Variants in BOP1 observed in about 807,000 individuals in gnomAD.
The protein encoded by BOP1 is BOP1 ribosomal biogenesis factor.
In BOP1, 54 loss-of-function variants were observed where a neutral mutation model predicts 82.9. The ratio of observed to expected loss-of-function variants is 0.65; its 90% CI spans 0.52 to 0.82. BOP1 has a LOEUF of 0.82. BOP1 is among the 40% of genes least tolerant of loss of function. BOP1 has a pLI of 0.00. For synonymous variants in BOP1, 566 were observed against 451.1 expected (o/e 1.25, Z -3.23); for missense variants, 1,170 against 1,072.0 (o/e 1.09, Z -1.28).
chr8:144,281,750 C>T (rs985922331), intron 2 of BOP1: 1 of 152,234 alleles, frequency 6.6e-6, no homozygotes, highest in African/African-American at 2.4e-5. Flanking sequence ...TAACTTCCGC[C>T]TCCCAGGCTC....
intron 3 of BOP1, among the ~76,000 whole-genome samples, chr8:144,267,592 T>C (rs1845406608): frequency 6.6e-6 from 1 of 152,260 alleles, no homozygotes; most frequent in South Asian, 2.1e-4. Flanking sequence ...TCTTAGCCCC[T>C]GCGGCCCAGC....
intron 3 of BOP1, chr8:144,266,847 C>T: frequency 7.3e-7 from 1 of 1,371,202 alleles, no homozygotes; most frequent in Non-Finnish European, 9.5e-7. Flanking sequence ...GGCAGCGGCA[C>T]ACGGCGAACG....
chr8:144,266,521 C>T (rs1176642795), intron 3 of BOP1: 1 of 989,876 alleles, frequency 1.0e-6, no homozygotes, highest in Non-Finnish European at 1.2e-6. Context: ...AGACCCCGCG[C>T]CTCGCCCCGG....
intron 3 of BOP1, chr8:144,267,158 G>A: frequency 6.5e-7 from 1 of 1,531,372 alleles, no homozygotes; most frequent in South Asian, 1.2e-5. Flanking sequence ...TGCACCTTCT[G>A]CCTCAGCAAC....
At chr8:144,265,352 C>A in intron 3 of BOP1, 1 of 561,836 alleles carries the variant, frequency 1.8e-6, no homozygotes, top group African/African-American at 1.9e-5. Context: ...TCACTGGATT[C>A]CTTGGCCAGG....
chr8:144,265,060 G>C lies in BOP1; in HGVS notation c.402C>G (p.Asn134Lys). The change falls in exon 4 of 16, where the codon AAC becomes AAG. Residue 134 changes from asparagine (N) to lysine (K), a missense_variant. Transcript: ENST00000569669. ...ACTCCAAGGGCACGTTGCCCACCGTGTTCCGGATGTCCTGCAGCCGGGGGC... is the reference window on the plus strand; with the variant it reads ...ACTCCAAGGGCACGTTGCCCACCGTCTTCCGGATGTCCTGCAGCCGGGGGC... ...EDSSDEEDIR[N>K]TVGNVPLEWY... 5.0e-6 allele frequency: 8 copies of C among 1,610,140 alleles called. No individual in the cohort carries two copies. The highest frequency in any genetic ancestry group is 6.8e-6 in the Non-Finnish European group (8 of 1,178,434).
Position 144,264,073 on chromosome 8 carries a change from G to A in BOP1, c.1048C>T (p.Leu350=). The change falls in exon 8 of 16, where the codon CTG becomes TTG. Residue 350 remains leucine (L), a synonymous_variant. Transcript: ENST00000569669. ...CGTCCGTAGGCAGGCACGGCCCGCA[G>A]GCTCGGGAACTTGCGTGGCAAAAAG... The part of the protein sequence containing the change: ...LSFLPRKFPS[L]RAVPAYGRFI... The A allele has an allele frequency of 1.2e-6, 2 of 1,610,122 alleles. No homozygotes were observed. The highest frequency in any genetic ancestry group is 1.1e-5 in the South Asian group (1 of 90,994).
At chr8:144,266,895 CT>C in intron 3 of BOP1, 1 of 1,525,010 alleles carries the variant, frequency 6.6e-7, no homozygotes. Context: ...TGAACACGGC[CT>C]TCACGGCGCT....
intron 2 of BOP1, among the ~76,000 whole-genome samples, chr8:144,284,578 G>A (rs1814814322): frequency 6.6e-6 from 1 of 152,190 alleles, no homozygotes; most frequent in Admixed American, 6.5e-5. Context: ...AACTCTGTGC[G>A]AGTTTGGATA....
Position 144,276,103 on chromosome 8 carries a change from G to T in BOP1, c.390+121C>A, listed in dbSNP as rs1403776288. 16 of 1,169,932 alleles carry T rather than the reference G, an allele frequency of 1.4e-5. No homozygotes were observed. In the South Asian group the frequency reaches 1.5e-4, roughly 11 times the overall value. The allele number at this position is 1,169,932 out of a possible 1,614,324, so 72.5% of individuals were successfully genotyped here. On this transcript the variant is annotated intron_variant, in intron 3 of 15. Transcript: ENST00000569669. The stretch of plus-strand genomic sequence containing the variant: ...CCACGTGGGCCTCGGCTCCAACAGT[G>T]CGGCCCACCTGCGGCAGGTCCCAGC...
At chr8:144,271,411 G>A (rs1051258618) in intron 3 of BOP1, among the ~76,000 whole-genome samples, 1 of 152,072 alleles carries the variant, frequency 6.6e-6, no homozygotes, top group Non-Finnish European at 1.5e-5. Context: ...TCCCCCGGGA[G>A]CGTGGGGTCA....
chr8:144,286,533 C>T (rs1434422621), intron 2 of BOP1, among the ~76,000 whole-genome samples: 8 of 130,440 alleles, frequency 6.1e-5, no homozygotes, highest in South Asian at 4.9e-4. Context: ...ATGGGCGCCA[C>T]GGCAGGGCAG....
intron 2 of BOP1, among the ~76,000 whole-genome samples, chr8:144,281,085 C>CTCACTTTCATACCAGGTCT (rs1845668564): frequency 6.6e-6 from 1 of 150,916 alleles, no homozygotes; most frequent in Non-Finnish European, 1.5e-5. Context: ...TCGGCCTTCT[C>CTCACTTTCATACCAGGTCT]TCACTTTAAT....
In BOP1 at chr8:144,264,216, C is replaced by T. The variant is rs1419161803; in HGVS notation, c.978+9G>A. 21 of 1,607,136 alleles carry T rather than the reference C, an allele frequency of 1.3e-5. No homozygotes were observed. Among genetic ancestry groups the T allele is most frequent in the Non-Finnish European group, 1.7e-5 (20 of 1,177,846 alleles). ...GGACAGGGTCCCGGCCCCCAGGATGCAGGCCCACCTCCTCCTCGCTGAGCA... is the reference window on the plus strand; with the variant it reads ...GGACAGGGTCCCGGCCCCCAGGATGTAGGCCCACCTCCTCCTCGCTGAGCA... On this transcript the variant is annotated intron_variant, in intron 7 of 15. Transcript: ENST00000569669.
At chr8:144,278,489 T>C (rs1371619839) in intron 2 of BOP1, among the ~76,000 whole-genome samples, 1 of 152,190 alleles carries the variant, frequency 6.6e-6, no homozygotes, top group Non-Finnish European at 1.5e-5. Flanking sequence ...CAACCAGGCA[T>C]GAGACACGGG....
In BOP1 at chr8:144,291,335, C is replaced by A; in HGVS notation, c.36G>T (p.Ala12=). 1 of 1,409,918 alleles carries A rather than the reference C, an allele frequency of 7.1e-7. No individual in the cohort carries two copies. 87.3% of individuals were successfully genotyped at this position (1,409,918 alleles called of 1,614,324 possible). A position where few individuals can be genotyped will look rare whatever the true frequency, so the allele number is the denominator to read the frequency against. ...AGSRGAGRTA[A]PSVRPEKRRS... is the part of the protein sequence containing the mutation. Reference sequence around the variant, plus strand: ...GCCGCTTCTCCGGCCGCACGCTCGGCGCCGCCGTGCGCCCCGCACCCCGCG... The same window carrying A: ...GCCGCTTCTCCGGCCGCACGCTCGGAGCCGCCGTGCGCCCCGCACCCCGCG... The change falls in exon 1 of 16, where the codon GCG becomes GCT. Residue 12 remains alanine (A), a synonymous_variant. Coordinates refer to ENST00000569669, the MANE Select transcript of BOP1 (RefSeq NM_015201.5). This position sits in a 1 kb window ranked among gnomAD's most constrained non-coding sequence, Gnocchi z 4.1.
chr8:144,286,496 T>G, intron 2 of BOP1, among the ~76,000 whole-genome samples: 1 of 119,252 alleles, frequency 8.4e-6, no homozygotes, highest in South Asian at 2.9e-4. Context: ...GCCCCTCAGC[T>G]AAAGCACAGG....
intron 3 of BOP1, among the ~76,000 whole-genome samples, chr8:144,269,826 C>T (rs996724720): frequency 2.6e-5 from 4 of 152,194 alleles, no homozygotes; most frequent in African/African-American, 4.8e-5. Flanking sequence ...ACCCCCGCCC[C>T]GCCACCCTCC....
rs1845305788 is a variant in BOP1, at chr8:144,264,296, G to A, written c.907C>T (p.Pro303Ser). ...GCGTGGCCTGGCAGGGCCAGCTTGG[G>A]AGCAGGTACGTGCATCTTGTGGCGC... ...LGRHKMHVPA[P>S]KLALPGHAES... The change falls in exon 7 of 16, where the codon CCC (proline) becomes TCC (serine). Residue 303 changes from proline (P) to serine (S), a missense_variant. By Grantham distance (74) the Pro-to-Ser change is moderately conservative (BLOSUM62 -1). Coordinates refer to ENST00000569669, the MANE Select transcript of BOP1 (RefSeq NM_015201.5). 1 of 1,611,124 alleles carries A rather than the reference G, an allele frequency of 6.2e-7. No individual in the cohort carries two copies. Among genetic ancestry groups the A allele is most frequent in the Non-Finnish European group, 8.5e-7 (1 of 1,179,588 alleles).
Sources: allele counts gnomAD v4.1 joint callset (sites outside exome capture counted in the v4.1 genomes callset), GRCh38; gene constraint gnomAD v4.1.1; non-coding constraint Gnocchi (gnomAD v3.1); transcripts MANE v1.5; gene names NCBI Gene and HGNC (gene_info 2026-07-23, HGNC 2026-07-21).